Variants in RNGTT observed in about 807,000 individuals in gnomAD.
The protein encoded by RNGTT is RNA guanylyltransferase and 5'-phosphatase, also known as mRNA-capping enzyme.
A neutral mutation model predicts 79.3 loss-of-function variants in RNGTT; 33 were observed. The ratio of observed to expected loss-of-function variants is 0.42; its 90% CI spans 0.32 to 0.56. The LOEUF is 0.56. Ranked by LOEUF, RNGTT falls within the 20% of genes least tolerant of loss-of-function variation. The pLI is 0.17. For synonymous variants in RNGTT, 222 were observed against 235.9 expected, an observed-to-expected ratio of 0.94 and a Z score of 0.54; for missense variants, 497 against 739.1, an observed-to-expected ratio of 0.67 and a Z score of 3.80.
chr6:88,665,801 A>G (rs1774382214), intron 14 of RNGTT, among the ~76,000 whole-genome samples: 2 of 152,216 alleles, frequency 1.3e-5, no homozygotes, highest in African/African-American at 2.4e-5. Context: ...TTGTTCCAGT[A>G]CATCGACAAC....
chr6:88,860,000 A>C (rs1457203733), intron 8 of RNGTT, among the ~76,000 whole-genome samples: 2 of 152,306 alleles, frequency 1.3e-5, no homozygotes, highest in East Asian at 3.9e-4. Flanking sequence ...CTAATGACAT[A>C]ATCTCACCTG....
At chr6:88,730,979 G>T (rs1178015130) in intron 13 of RNGTT, among the ~76,000 whole-genome samples, 1 of 152,184 alleles carries the variant, frequency 6.6e-6, no homozygotes, top group Non-Finnish European at 1.5e-5. Context: ...AGGAATGCAA[G>T]CCTCCTAAAA....
At chr6:88,860,307 C>G (rs897004801) in intron 8 of RNGTT, among the ~76,000 whole-genome samples, 23 of 152,130 alleles carry the variant, frequency 1.5e-4, no homozygotes, top group African/African-American at 4.8e-4. Context: ...AAGAAGGAAG[C>G]AGTAATTGTC....
At chr6:88,907,610 A>C (rs1350442508) in intron 4 of RNGTT, among the ~76,000 whole-genome samples, 1 of 152,170 alleles carries the variant, frequency 6.6e-6, no homozygotes, top group Admixed American at 6.5e-5. Context: ...GAAGAGACGA[A>C]TATAACTAGT....
chr6:88,832,086 C>A (rs943262494), intron 11 of RNGTT, among the ~76,000 whole-genome samples: 1 of 152,174 alleles, frequency 6.6e-6, no homozygotes, highest in African/African-American at 2.4e-5. Flanking sequence ...TTGGAAAAAA[C>A]TACTTTACAT....
At chr6:88,939,199 C>T (rs1466669241) in intron 2 of RNGTT, among the ~76,000 whole-genome samples, 4 of 152,128 alleles carry the variant, frequency 2.6e-5, no homozygotes. Flanking sequence ...GGTTTTCTAA[C>T]CCTTTTGTTC....
chr6:88,771,512 C>A (rs1778683234), intron 12 of RNGTT, among the ~76,000 whole-genome samples: 1 of 151,570 alleles, frequency 6.6e-6, no homozygotes, highest in African/African-American at 2.4e-5. Context: ...TTTCAAAACA[C>A]TTTTAGCTAA....
At chr6:88,741,625 A>G (rs1157193182) in intron 13 of RNGTT, among the ~76,000 whole-genome samples, 1 of 152,230 alleles carries the variant, frequency 6.6e-6, no homozygotes, top group Non-Finnish European at 1.5e-5. Flanking sequence ...AATTTAAAAT[A>G]AATGAAATGA....
At chr6:88,865,939 T>A (rs1039930523) in intron 8 of RNGTT, among the ~76,000 whole-genome samples, 1 of 152,086 alleles carries the variant, frequency 6.6e-6, no homozygotes, top group Admixed American at 6.6e-5. Context: ...TAAATAAAAT[T>A]ATAATTAAAT....
intron 11 of RNGTT, among the ~76,000 whole-genome samples, chr6:88,819,174 T>G (rs1780421919): frequency 6.6e-6 from 1 of 152,120 alleles, no homozygotes; most frequent in Admixed American, 6.6e-5. Flanking sequence ...TTCCCCAAAA[T>G]TATATAAAAC....
intron 13 of RNGTT, among the ~76,000 whole-genome samples, chr6:88,715,603 G>A (rs1776482462): frequency 1.3e-5 from 2 of 152,064 alleles, no homozygotes; most frequent in African/African-American, 2.4e-5. Context: ...GCATAGTACT[G>A]GTACCAAAAC....
At chr6:88,799,592 CAGG>C (rs1365398321) in intron 12 of RNGTT, among the ~76,000 whole-genome samples, 2 of 149,854 alleles carry the variant, frequency 1.3e-5, no homozygotes, top group Non-Finnish European at 2.9e-5. Context: ...CCCAGCTACT[CAGG>C]AGGCTGAGGC....
At chr6:88,891,495 A>G (rs1783046687) in intron 7 of RNGTT, among the ~76,000 whole-genome samples, 1 of 152,096 alleles carries the variant, frequency 6.6e-6, no homozygotes, top group Non-Finnish European at 1.5e-5. Context: ...TCCAAATTTC[A>G]CCTCTTCCCT....
At chr6:88,655,207 CT>C (rs1361351615) in intron 14 of RNGTT, among the ~76,000 whole-genome samples, 1 of 152,104 alleles carries the variant, frequency 6.6e-6, no homozygotes, top group Non-Finnish European at 1.5e-5. Context: ...CAAATAAATA[CT>C]TTACTCTTAA....
At chr6:88,696,106 C>G (rs1752444393) in intron 13 of RNGTT, among the ~76,000 whole-genome samples, 1 of 152,270 alleles carries the variant, frequency 6.6e-6, no homozygotes, top group East Asian at 1.9e-4. Flanking sequence ...CAGTTAATAA[C>G]AGTGTAGTCT....
intron 1 of RNGTT, 114 bp downstream of exon 1, chr6:88,963,232 C>A: frequency 1.9e-6 from 2 of 1,058,316 alleles, no homozygotes; most frequent in East Asian, 2.8e-5. Flanking sequence ...GAGCATATCC[C>A]GCTCCTGAAA....
intron 14 of RNGTT, among the ~76,000 whole-genome samples, chr6:88,646,441 C>T (rs1308217611): frequency 6.6e-6 from 1 of 152,186 alleles, no homozygotes; most frequent in South Asian, 2.1e-4. Context: ...GTGGTGATTC[C>T]TCAGGGATCT....
At chr6:88,956,719 T>C (rs1167081165) in intron 1 of RNGTT, among the ~76,000 whole-genome samples, 1 of 152,156 alleles carries the variant, frequency 6.6e-6, no homozygotes, top group Admixed American at 6.5e-5. Flanking sequence ...ATACCAGAGA[T>C]GCAGAGATGG....
At chr6:88,961,903 G>A (rs1785640480) in intron 1 of RNGTT, among the ~76,000 whole-genome samples, 1 of 152,124 alleles carries the variant, frequency 6.6e-6, no homozygotes, top group Non-Finnish European at 1.5e-5. Flanking sequence ...TAACCCAAAT[G>A]ACCATCAATA....
Sources: gnomAD v4.1 joint callset for allele counts (sites outside exome capture counted in the v4.1 genomes callset) on GRCh38, gnomAD v4.1.1 for gene constraint, MANE v1.5 for transcripts, NCBI Gene and HGNC (gene_info 2026-07-23, HGNC 2026-07-21) for gene names.